Variants in ARMCX4 observed in about 807,000 individuals in gnomAD.
The protein encoded by ARMCX4 is armadillo repeat-containing X-linked protein 4.
In ARMCX4, 3 loss-of-function variants were observed where a neutral mutation model predicts 34.7. The ratio of observed to expected loss-of-function variants is 0.09; its 90% CI spans 0.04 to 0.22. The LOEUF is 0.22. ARMCX4 is among the 10% of genes least tolerant of loss of function. The pLI is 1.00. For synonymous variants in ARMCX4, 513 were observed against 632.8 expected (o/e 0.81, Z 2.84); for missense variants, 1,448 against 1,720.8 (o/e 0.84, Z 2.81).
At chrX:101,530,243 C>G (rs1213256548) in intron 11 of ARMCX4, among the ~76,000 whole-genome samples, 2 of 111,541 alleles carry the variant, frequency 1.8e-5, no homozygotes, top group Non-Finnish European at 3.8e-5. Context: ...GACAGAAAAC[C>G]AAACACCACA....
At chrX:101,440,775 G>T (rs5951315) in intron 2 of ARMCX4, among the ~76,000 whole-genome samples, 54,445 of 110,554 alleles carry the variant, frequency 0.49, 10,734 homozygotes, top group Non-Finnish European at 0.62. Context: ...CTCCGAGCCA[G>T]GTGCGGGATA....
chrX:101,488,503 G>A lies in ARMCX4; in HGVS notation c.-87G>A. ...GTGGCTGAAGACCAGCACCCTCACA[G>A]GCCTACACCCACAACTACCACTCTC... On this transcript the variant is annotated 5_prime_UTR_variant, in exon 6 of 6. Coordinates refer to ENST00000423738, the MANE Select transcript of ARMCX4 (RefSeq NM_001256155.3). 4 of 1,148,440 alleles carry A rather than the reference G, an allele frequency of 3.5e-6. No individual in the cohort carries two copies. Among genetic ancestry groups the A allele is most frequent in the Non-Finnish European group, 4.6e-6 (4 of 868,565 alleles). The allele number at this position is 1,148,440 out of a possible 1,213,427, so 94.6% of individuals were successfully genotyped here. A position where few individuals can be genotyped will look rare whatever the true frequency, so the allele number is the denominator to read the frequency against.
intron 4 of ARMCX4, among the ~76,000 whole-genome samples, chrX:101,470,332 A>G (rs1556002779): frequency 3.7e-5 from 4 of 109,072 alleles, no homozygotes; most frequent in African/African-American, 1.0e-4. Context: ...CTCCTTTTTG[A>G]GACAGAGTCT....
chrX:101,450,907 C>G (rs1300953176), downstream of ARMCX4, among the ~76,000 whole-genome samples: 1 of 111,510 alleles, frequency 9.0e-6, no homozygotes, highest in South Asian at 3.8e-4. Context: ...TGCCCAGCAC[C>G]CTATCCTACT....
chrX:101,420,128 C>T (rs1237756400), intron 2 of ARMCX4, among the ~76,000 whole-genome samples: 4 of 111,489 alleles, frequency 3.6e-5, no homozygotes, highest in East Asian at 2.8e-4. Flanking sequence ...TCTGGGAGGC[C>T]GAGGCGGGTG....
intron 2 of ARMCX4, among the ~76,000 whole-genome samples, chrX:101,433,001 T>TATACACACACATGTATACATACAC (rs1569314946): frequency 1.1e-3 from 61 of 57,794 alleles, no homozygotes; most frequent in Admixed American, 2.2e-3. Context: ...TATACATATA[T>TATACACACACATGTATACATACAC]GTGTATATAT....
At chrX:101,426,412 C>G (rs1430200756) in intron 2 of ARMCX4, among the ~76,000 whole-genome samples, 2 of 111,252 alleles carry the variant, frequency 1.8e-5, no homozygotes, top group Non-Finnish European at 3.8e-5. Flanking sequence ...CTTCTAAAGG[C>G]TCCCCCAACC....
intron 11 of ARMCX4, among the ~76,000 whole-genome samples, chrX:101,524,589 A>T (rs1603228835): frequency 8.9e-6 from 1 of 111,881 alleles, no homozygotes; most frequent in Non-Finnish European, 1.9e-5. Context: ...GTACCTGGAA[A>T]ATCGGGACAC....
intron 11 of ARMCX4, among the ~76,000 whole-genome samples, chrX:101,515,395 C>CTTTCTT (rs1556017495): frequency 4.8e-4 from 1 of 2,104 alleles, no homozygotes; most frequent in South Asian, 0.067. Flanking sequence ...CTTTCTTTCC[C>CTTTCTT]TCCCTCCCTC....
downstream of ARMCX4, among the ~76,000 whole-genome samples, chrX:101,451,801 T>C (rs1932003179): frequency 8.9e-6 from 1 of 112,347 alleles, no homozygotes; most frequent in Admixed American, 9.4e-5. Flanking sequence ...AAAAAGAATG[T>C]AATGTTTTTT....
At chrX:101,450,287 G>T (rs1931906587), downstream of ARMCX4, among the ~76,000 whole-genome samples, 1 of 112,426 alleles carries the variant, frequency 8.9e-6, no homozygotes, top group South Asian at 3.6e-4. Flanking sequence ...AGCCAGTTAG[G>T]CTTGTGTCTT....
exon 10 of ARMCX4, chrX:101,509,601 A>G (rs1556015939): frequency 9.0e-6 from 1 of 111,474 alleles, no homozygotes; most frequent in East Asian, 2.8e-4. Flanking sequence ...TGGTTTTGCC[A>G]CATTGCCCAG....
chrX:101,432,644 AGC>A (rs782567725), intron 2 of ARMCX4, among the ~76,000 whole-genome samples: 27 of 108,433 alleles, frequency 2.5e-4, no homozygotes, highest in Non-Finnish European at 4.8e-4. Context: ...CTGGCAACAG[AGC>A]GAGATTCTGT....
At chrX:101,419,991 T>C (rs1174499148) in intron 2 of ARMCX4, among the ~76,000 whole-genome samples, 2 of 112,160 alleles carry the variant, frequency 1.8e-5, no homozygotes, top group African/African-American at 6.5e-5. Flanking sequence ...CTGTTTCCCA[T>C]TGGCGGAAGG....
intron 7 of ARMCX4, among the ~76,000 whole-genome samples, chrX:101,502,728 T>A (rs944452897): frequency 9.0e-6 from 1 of 111,237 alleles, no homozygotes; most frequent in Non-Finnish European, 1.9e-5. Flanking sequence ...TATTTTTTTT[T>A]TATTTTTATT....
intron 11 of ARMCX4, among the ~76,000 whole-genome samples, chrX:101,518,916 A>G (rs782307613): frequency 1.8e-5 from 2 of 110,745 alleles, no homozygotes; most frequent in African/African-American, 6.5e-5. Flanking sequence ...AAGAATATAC[A>G]AGAAACTTTA....
At chrX:101,448,869 C>T (rs1387184176), downstream of ARMCX4, among the ~76,000 whole-genome samples, 1 of 108,115 alleles carries the variant, frequency 9.2e-6, no homozygotes, top group Non-Finnish European at 1.9e-5. Flanking sequence ...GCTGGGATTA[C>T]AGGCGAGAGC....
At chrX:101,461,463 C>T (rs782714862) in intron 4 of ARMCX4, among the ~76,000 whole-genome samples, 48 of 112,294 alleles carry the variant, frequency 4.3e-4, no homozygotes, top group Admixed American at 1.7e-3. Flanking sequence ...TTCATCCATT[C>T]GTGGACATTT....
chrX:101,469,660 C>T (rs182386257), intron 4 of ARMCX4, among the ~76,000 whole-genome samples: 7 of 111,829 alleles, frequency 6.3e-5, no homozygotes, highest in Admixed American at 5.7e-4. Flanking sequence ...GTTACCACCA[C>T]ACAAAACAAG....
Sources: gnomAD v4.1 joint callset for allele counts (sites outside exome capture counted in the v4.1 genomes callset) on GRCh38, gnomAD v4.1.1 for gene constraint, MANE v1.5 for transcripts, NCBI Gene and HGNC (gene_info 2026-07-23, HGNC 2026-07-21) for gene names.